Variants in BCL9 observed in about 807,000 individuals in gnomAD.
The protein encoded by BCL9 is B-cell CLL/lymphoma 9 protein.
Under a neutral mutation model 88.5 loss-of-function variants are expected in BCL9, and 25 were observed. The observed-to-expected ratio is 0.28, with a 90% CI of 0.21 to 0.39. The LOEUF is 0.39. Ranked by LOEUF, BCL9 falls within the 10% of genes least tolerant of loss-of-function variation. The pLI is 1.00. For missense variants in BCL9, 1,817 were observed against 1,877.8 expected (o/e 0.97, Z 0.60); for synonymous variants, 711 against 673.3 (o/e 1.06, Z -0.87).
intron 3 of BCL9, among the ~76,000 whole-genome samples, chr1:147,609,695 G>C (rs138365384): frequency 6.6e-6 from 1 of 152,202 alleles, no homozygotes. Context: ...GATTAATGAG[G>C]TGATTTGATA....
intron 7 of BCL9, among the ~76,000 whole-genome samples, chr1:147,617,323 T>G (rs1272722504): frequency 6.6e-6 from 1 of 152,206 alleles, no homozygotes; most frequent in Non-Finnish European, 1.5e-5. Flanking sequence ...GAATAATCCA[T>G]TGTTCCACAT....
chr1:147,590,211 A>G (rs1023023785), intron 1 of BCL9, among the ~76,000 whole-genome samples: 1 of 152,136 alleles, frequency 6.6e-6, no homozygotes, highest in South Asian at 2.1e-4. Flanking sequence ...CATCCTGCCT[A>G]GTGTCATTTT....
chr1:147,561,296 G>A (rs1369772763), intron 1 of BCL9, among the ~76,000 whole-genome samples: 7 of 152,224 alleles, frequency 4.6e-5, no homozygotes, highest in Admixed American at 4.6e-4. Flanking sequence ...AAGGACCATG[G>A]ATAGCGGGGA....
chr1:147,542,502 G>T (rs1654379193), intron 1 of BCL9, among the ~76,000 whole-genome samples: 1 of 152,214 alleles, frequency 6.6e-6, no homozygotes. Flanking sequence ...AGCTAGAGAT[G>T]CTGTGGAATC....
Position 147,622,337 on chromosome 1 carries a change from G to C in BCL9, c.2969G>C (p.Ser990Thr). 1 of 1,614,118 alleles carries C rather than the reference G, an allele frequency of 6.2e-7. No homozygotes were observed. The highest frequency in any genetic ancestry group is 8.5e-7 in the Non-Finnish European group (1 of 1,180,028). ...SVNIPGSLPS[S>T]TPYTMPPEPT... ...AATATCCCTGGAAGTCTTCCCTCTA[G>C]TACACCTTATACCATGCCTCCAGAG... Residue 990 changes from serine to threonine, a missense_variant, in exon 9 of 10, where the codon AGT (serine) becomes ACT (threonine). By Grantham distance (58) the Ser-to-Thr change is moderately conservative. This residue lies in a region of BCL9 where 589 missense variants were observed against 686.2 expected (regional missense o/e 0.86). Transcript: ENST00000234739.
chr1:147,577,902 T>C (rs953236420), intron 1 of BCL9, among the ~76,000 whole-genome samples: 1 of 151,824 alleles, frequency 6.6e-6, no homozygotes, highest in Non-Finnish European at 1.5e-5. Context: ...AAGCTCTGAA[T>C]GAATGTGGCT....
At chr1:147,599,853 G>A (rs1235405285) in intron 1 of BCL9, among the ~76,000 whole-genome samples, 1 of 151,634 alleles carries the variant, frequency 6.6e-6, no homozygotes, top group Non-Finnish European at 1.5e-5. Flanking sequence ...AGGCCGCGGC[G>A]GGTTGGTACC....
intron 1 of BCL9, among the ~76,000 whole-genome samples, chr1:147,575,786 C>A (rs1656081107): frequency 1.3e-5 from 2 of 152,078 alleles, no homozygotes; most frequent in South Asian, 2.1e-4. Context: ...AATAATTGGT[C>A]ATTGAATTTA....
At chr1:147,578,560 T>C (rs1188185598) in intron 1 of BCL9, among the ~76,000 whole-genome samples, 3 of 152,248 alleles carry the variant, frequency 2.0e-5, no homozygotes, top group African/African-American at 7.2e-5. Flanking sequence ...TTTCTGATCA[T>C]AAGCATTTTG....
intron 1 of BCL9, among the ~76,000 whole-genome samples, chr1:147,573,436 G>A (rs1315483774): frequency 2.0e-5 from 3 of 151,262 alleles, no homozygotes; most frequent in South Asian, 2.1e-4. Flanking sequence ...CTGGGCAACA[G>A]GAGTGAAACT....
chr1:147,546,789 C>T (rs1437751572), intron 1 of BCL9, among the ~76,000 whole-genome samples: 2 of 152,146 alleles, frequency 1.3e-5, no homozygotes, highest in African/African-American at 4.8e-5. Context: ...AAGTGAAAAG[C>T]TCAATGGGAA....
At position 147,625,582 on chromosome 1, in the gene BCL9, G is replaced by C. The variant is rs1020055418; in HGVS notation, c.*623G>C. ...AAAAAAAGGAACTAAGTTCAGCGAGGGGTGGGGGGAGGGGGGAGATTTTTC... is the reference window on the plus strand; with the variant it reads ...AAAAAAAGGAACTAAGTTCAGCGAGCGGTGGGGGGAGGGGGGAGATTTTTC... On this transcript the variant is annotated 3_prime_UTR_variant, in exon 10 of 10. Coordinates refer to ENST00000234739, the MANE Select transcript of BCL9 (RefSeq NM_004326.4). 1 of 115,448 alleles carries C rather than the reference G, an allele frequency of 8.7e-6. No individual in the cohort carries two copies. Among genetic ancestry groups the C allele is most frequent in the African/African-American group, 3.5e-5 (1 of 28,652 alleles). The allele number at this position is 115,448 out of a possible 1,614,324, so 7.2% of individuals were successfully genotyped here.
intron 1 of BCL9, among the ~76,000 whole-genome samples, chr1:147,560,606 T>TG (rs1553195998): frequency 1.4e-5 from 2 of 141,634 alleles, no homozygotes; most frequent in East Asian, 2.1e-4. Context: ...AGACTTCATC[T>TG]AAAAAAAAAA....
Position 147,620,010 on chromosome 1 carries a change from G to C in BCL9, c.1855G>C (p.Glu619Gln). ...CATTTTCAGCGGTCCTGGCCGAGGG[G>C]AACGCTTCCCAAACCCCCAAGGATT... ...QGIFSGPGRG[E>Q]RFPNPQGLSE... Residue 619 changes from glutamate (E) to glutamine (Q), a missense_variant, in exon 8 of 10, where the codon GAA (glutamate) becomes CAA (glutamine). By Grantham distance (29) the Glu-to-Gln change is conservative (BLOSUM62 2). Around this residue, in one of 2 missense-constraint regions of BCL9, gnomAD observed 1,228 missense variants for 1,191.6 expected, o/e 1.03. Coordinates refer to ENST00000234739, the MANE Select transcript of BCL9 (RefSeq NM_004326.4). The C allele has an allele frequency of 6.2e-7, 1 of 1,614,184 alleles. No individual in the cohort carries two copies. Among genetic ancestry groups the C allele is most frequent in the Non-Finnish European group, 8.5e-7 (1 of 1,180,032 alleles).
chr1:147,615,882 G>A lies in BCL9; in HGVS notation c.640G>A (p.Glu214Lys). 2 of 1,613,908 alleles carry A rather than the reference G, an allele frequency of 1.2e-6. No homozygotes were observed. The highest frequency in any genetic ancestry group is 1.6e-4 in the Middle Eastern group (1 of 6,062). ...CCAGAACATTTCTAACAACAAGACAGAGAGAAGCACAGCGCCTCTGGTATG... is the reference window on the plus strand; with the variant it reads ...CCAGAACATTTCTAACAACAAGACAAAGAGAAGCACAGCGCCTCTGGTATG... ...HIQNISNNKT[E>K]RSTAPLNTQI... Residue 214 changes from glutamate (E) to lysine (K), a missense_variant, in exon 7 of 10, where the codon GAG becomes AAG. By Grantham distance (56) the Glu-to-Lys change is moderately conservative. This residue lies in a region of BCL9 where 1,228 missense variants were observed against 1,191.6 expected (regional missense o/e 1.03). Transcript: ENST00000234739.
At chr1:147,568,721 A>G (rs1553197015) in intron 1 of BCL9, among the ~76,000 whole-genome samples, 2 of 152,176 alleles carry the variant, frequency 1.3e-5, no homozygotes. Flanking sequence ...AGATAGTAAG[A>G]TGTGAGGCCA....
At chr1:147,590,323 T>C (rs1196769998) in intron 1 of BCL9, among the ~76,000 whole-genome samples, 2 of 152,234 alleles carry the variant, frequency 1.3e-5, no homozygotes, top group East Asian at 3.8e-4. Flanking sequence ...ATTTATATGC[T>C]GCGGAAGTAA....
chr1:147,593,849 T>C (rs1234473412), intron 1 of BCL9, among the ~76,000 whole-genome samples: 2 of 152,160 alleles, frequency 1.3e-5, no homozygotes, highest in African/African-American at 2.4e-5. Flanking sequence ...GCTCTTGGGA[T>C]ATGGGGGAAG....
In BCL9 at chr1:147,624,974, A is replaced by T. The variant is rs1553206354; in HGVS notation, c.*15A>T. The T allele has an allele frequency of 6.3e-7, 1 of 1,596,242 alleles. No individual in the cohort carries two copies. The highest frequency in any genetic ancestry group is 2.3e-5 in the East Asian group (1 of 44,394). On this transcript the variant is annotated 3_prime_UTR_variant, in exon 10 of 10. Transcript: ENST00000234739. The surrounding 1 kb of genome is among the most constrained non-coding windows in gnomAD (Gnocchi z 4.4). ...TGATGTTTTAAGCTGCTAAGATGGG[A>T]TGTGCCGATCCTTGTCAAGATGAGA...
Sources: gnomAD v4.1 joint callset for allele counts (sites outside exome capture counted in the v4.1 genomes callset) on GRCh38, gnomAD v4.1.1 for gene constraint, gnomAD v4.1.1 regional missense constraint, Gnocchi (gnomAD v3.1) non-coding constraint, MANE v1.5 for transcripts, NCBI Gene and HGNC (gene_info 2026-07-23, HGNC 2026-07-21) for gene names.